Variants in NKAIN3 observed in about 807,000 individuals in gnomAD.
NKAIN3 encodes sodium/potassium transporting ATPase interacting 3.
Under a neutral mutation model 30.2 loss-of-function variants are expected in NKAIN3, and 25 were observed. The observed-to-expected ratio is 0.83, with a 90% CI of 0.60 to 1.16. The LOEUF (loss-of-function observed/expected upper bound fraction) is 1.16, where lower values mean the gene tolerates loss of function less well. NKAIN3 is among the 50% of genes most tolerant of loss of function. The pLI, the probability that NKAIN3 is intolerant of heterozygous loss-of-function variation, is 0.00. For missense variants in NKAIN3, 225 were observed against 254.1 expected (o/e 0.89, Z 0.78); for synonymous variants, 91 against 89.6 (o/e 1.02, Z -0.09).
At chr8:62,862,694 T>G (rs145203850) in intron 4 of NKAIN3, among the ~76,000 whole-genome samples, 2 of 152,304 alleles carry the variant, frequency 1.3e-5, no homozygotes, top group Non-Finnish European at 2.9e-5. Flanking sequence ...ATTGAATGAT[T>G]TATAGCTTTT....
intron 4 of NKAIN3, among the ~76,000 whole-genome samples, chr8:62,894,912 A>T (rs1264518757): frequency 6.6e-6 from 1 of 152,214 alleles, no homozygotes; most frequent in Non-Finnish European, 1.5e-5. Flanking sequence ...TCCAGGCAAG[A>T]AGAAGGAAGA....
chr8:62,747,195 T>C (rs16929506), intron 4 of NKAIN3, 66 bp downstream of exon 4: 167,049 of 1,005,306 alleles, frequency 0.17, 17,323 homozygotes, highest in African/African-American at 0.38. Flanking sequence ...TTTCTCCACA[T>C]CTACCTGATA....
intron 5 of NKAIN3, among the ~76,000 whole-genome samples, chr8:62,924,287 C>T (rs532132868): frequency 2.0e-5 from 3 of 152,148 alleles, no homozygotes; most frequent in South Asian, 4.1e-4. Flanking sequence ...CCACCCTTTC[C>T]GGGTTAGTTG....
At position 62,799,399 on chromosome 8, in the gene NKAIN3, A is replaced by G. The variant is rs1467335599; in HGVS notation, c.471+52270A>G. Among the ~76,000 whole-genome samples, 3 of 152,336 alleles carry G rather than the reference A, an allele frequency of 2.0e-5. No homozygotes were observed. In the South Asian group the frequency reaches 6.2e-4, roughly 32 times the overall value. ...AGTAGGCTAAGGGCATGAATAGATC[A>G]TTCTCAAAAGAAGATATACAAATAG... On this transcript the variant is annotated intron_variant, in intron 4 of 6. Transcript: ENST00000623646.
chr8:62,534,170 C>G (rs541288881), intron 1 of NKAIN3, among the ~76,000 whole-genome samples: 3 of 152,154 alleles, frequency 2.0e-5, no homozygotes, highest in African/African-American at 4.8e-5. Flanking sequence ...GCTCTGCCCC[C>G]GGCTAGGCTT....
At position 62,973,317 on chromosome 8, in the gene NKAIN3, A is replaced by T. The variant is rs969997370; in HGVS notation, c.*7910A>T. Among the ~76,000 whole-genome samples the T allele has an allele frequency of 6.6e-6, 1 of 152,154 alleles. No homozygotes were observed. The highest frequency in any genetic ancestry group is 1.5e-5 in the Non-Finnish European group (1 of 68,028). ...GTTAAAAGCATTCCTATTTCTCCAC[A>T]TCCTCTCCAGCCTCTGTTGTATCCT... On this transcript the variant is annotated 3_prime_UTR_variant, in exon 7 of 7. Transcript: ENST00000623646.
intron 1 of NKAIN3, among the ~76,000 whole-genome samples, chr8:62,530,766 G>A (rs1276242413): frequency 6.6e-6 from 1 of 151,968 alleles, no homozygotes; most frequent in East Asian, 1.9e-4. Context: ...AGCCTCCCAA[G>A]TAGCTGGGAT....
chr8:62,435,614 T>C (rs2129597863), intron 1 of NKAIN3, among the ~76,000 whole-genome samples: 1 of 152,278 alleles, frequency 6.6e-6, no homozygotes, highest in African/African-American at 2.4e-5. Context: ...TGTGAGCACG[T>C]ATAAGGAGTT....
intron 1 of NKAIN3, among the ~76,000 whole-genome samples, chr8:62,478,840 T>C (rs1035581428): frequency 9.2e-5 from 14 of 152,156 alleles, no homozygotes; most frequent in African/African-American, 3.4e-4. Context: ...GTAATAAAAA[T>C]TGCATTGGTC....
chr8:62,678,213 G>A (rs1172567751), intron 3 of NKAIN3, among the ~76,000 whole-genome samples: 1 of 152,124 alleles, frequency 6.6e-6, no homozygotes, highest in African/African-American at 2.4e-5. Flanking sequence ...TGCTTCTTCT[G>A]TGCCTTTGCT....
intron 1 of NKAIN3, among the ~76,000 whole-genome samples, chr8:62,430,366 GGTGTGTGTGTGT>G (rs59837325): frequency 1.9e-4 from 27 of 142,562 alleles, no homozygotes; most frequent in African/African-American, 5.7e-4. Context: ...TATATATTGT[GGTGTGTGTGTGT>G]GTGTGTGTGT....
At chr8:62,499,142 G>T (rs1262481540) in intron 1 of NKAIN3, among the ~76,000 whole-genome samples, 1 of 152,186 alleles carries the variant, frequency 6.6e-6, no homozygotes, top group Non-Finnish European at 1.5e-5. Context: ...AACTCAGATG[G>T]AGGTAATAGC....
intron 3 of NKAIN3, among the ~76,000 whole-genome samples, chr8:62,743,495 G>T (rs535271738): frequency 6.6e-6 from 1 of 152,246 alleles, no homozygotes; most frequent in South Asian, 2.1e-4. Context: ...ACATGTCATG[G>T]GAGACTTCAG....
chr8:62,907,706 G>C (rs766464530), intron 4 of NKAIN3, among the ~76,000 whole-genome samples: 3 of 152,200 alleles, frequency 2.0e-5, no homozygotes, highest in Non-Finnish European at 4.4e-5. Context: ...CATACACGTG[G>C]TATTGGGCTT....
intron 4 of NKAIN3, among the ~76,000 whole-genome samples, chr8:62,909,881 A>G (rs1455576): frequency 0.53 from 80,645 of 151,882 alleles, 21,779 homozygotes; most frequent in East Asian, 0.71. Flanking sequence ...TATTGTTTTC[A>G]GCTAATGGTA....
intron 1 of NKAIN3, among the ~76,000 whole-genome samples, chr8:62,409,690 T>C (rs541914973): frequency 1.3e-3 from 201 of 152,190 alleles, no homozygotes; most frequent in African/African-American, 4.5e-3. Flanking sequence ...TTTAGGGTTT[T>C]TGTTTGTTTT....
chr8:62,551,905 G>A (rs963054603), intron 1 of NKAIN3, among the ~76,000 whole-genome samples: 1 of 152,110 alleles, frequency 6.6e-6, no homozygotes, highest in African/African-American at 2.4e-5. Context: ...TTTTACTCAG[G>A]TAGAAAACTT....
chr8:62,292,395 A>T (rs1813673846), intron 1 of NKAIN3, among the ~76,000 whole-genome samples: 1 of 151,852 alleles, frequency 6.6e-6, no homozygotes, highest in Admixed American at 6.6e-5. Flanking sequence ...TTCCATGTTT[A>T]TTGCTTCCTT....
chr8:62,693,807 G>A lies in NKAIN3; in HGVS notation c.274-53125G>A, dbSNP rs73685443. Among the ~76,000 whole-genome samples, 1,516 of 151,998 alleles carry A rather than the reference G, an allele frequency of 1.0e-2. 24 individuals are homozygous for A. Among genetic ancestry groups the A allele is most frequent in the African/African-American group, 0.034 (1,428 of 41,454 alleles). Reference sequence around the variant, plus strand: ...TGAAAAATCCAACTAAAAATATCACGAACCTAGGGGAAACATGAGACCAAT... The same window carrying A: ...TGAAAAATCCAACTAAAAATATCACAAACCTAGGGGAAACATGAGACCAAT... On this transcript the variant is annotated intron_variant, in intron 3 of 6. Coordinates refer to ENST00000623646, the MANE Select transcript of NKAIN3 (RefSeq NM_001304533.3).
Sources: allele counts gnomAD v4.1 joint callset (sites outside exome capture counted in the v4.1 genomes callset), GRCh38; gene constraint gnomAD v4.1.1; transcripts MANE v1.5; gene names NCBI Gene and HGNC (gene_info 2026-07-23, HGNC 2026-07-21).